Variants in GRIK3 observed in about 807,000 individuals in gnomAD.
GRIK3 encodes the protein glutamate ionotropic receptor kainate type subunit 3, also known as glutamate receptor ionotropic, kainate 3.
GRIK3 carries 29 observed loss-of-function variants against 102.5 expected under a neutral mutation model. The observed-to-expected ratio is 0.28, with a 90% CI of 0.21 to 0.39. The LOEUF (loss-of-function observed/expected upper bound fraction) is 0.39, where lower values mean the gene tolerates loss of function less well. Among genes scored for constraint, GRIK3 ranks in the 10% least tolerant of loss-of-function variants. GRIK3 has a pLI of 1.00. For synonymous variants in GRIK3, 511 were observed against 504.9 expected, an observed-to-expected ratio of 1.01 and a Z score of -0.16; for missense variants, 908 against 1,252.4, an observed-to-expected ratio of 0.73 and a Z score of 4.15.
chr1:36,899,814 A>C (rs1641215567), intron 1 of GRIK3, among the ~76,000 whole-genome samples: 1 of 152,246 alleles, frequency 6.6e-6, no homozygotes, highest in Non-Finnish European at 1.5e-5. Flanking sequence ...ACTTTATCAG[A>C]GACAAAGAGA....
At chr1:36,972,862 G>A (rs1460309309) in intron 1 of GRIK3, among the ~76,000 whole-genome samples, 1 of 152,192 alleles carries the variant, frequency 6.6e-6, no homozygotes, top group Non-Finnish European at 1.5e-5. Flanking sequence ...AGGGGCCAAA[G>A]GATGGGGCAG....
chr1:37,033,933 G>A, intron 1 of GRIK3, 61 bp downstream of exon 1: 2 of 908,902 alleles, frequency 2.2e-6, no homozygotes, highest in Admixed American at 2.3e-5. Flanking sequence ...GCGTTGGGAG[G>A]CCCCCTCATT....
intron 1 of GRIK3, among the ~76,000 whole-genome samples, chr1:36,954,310 G>A (rs894406957): frequency 1.3e-5 from 2 of 152,226 alleles, no homozygotes; most frequent in African/African-American, 2.4e-5. Context: ...GATTACCCCT[G>A]CTGCCTCTCC....
chr1:36,837,166 C>A (rs906149337), intron 10 of GRIK3, among the ~76,000 whole-genome samples: 1 of 152,114 alleles, frequency 6.6e-6, no homozygotes, highest in Non-Finnish European at 1.5e-5. Flanking sequence ...TCGTCTCCAC[C>A]TCCCAGGCTC....
chr1:36,875,465 T>C (rs976302166), intron 3 of GRIK3, among the ~76,000 whole-genome samples: 2 of 152,242 alleles, frequency 1.3e-5, no homozygotes, highest in Non-Finnish European at 2.9e-5. Context: ...GGCCCTCCAA[T>C]TGGGCTCACC....
chr1:37,019,293 G>A (rs1642685109), intron 1 of GRIK3, among the ~76,000 whole-genome samples: 1 of 152,234 alleles, frequency 6.6e-6, no homozygotes, highest in Non-Finnish European at 1.5e-5. Context: ...AACACTCTCA[G>A]AACAACGTAA....
intron 10 of GRIK3, among the ~76,000 whole-genome samples, chr1:36,833,929 G>A (rs1265887153): frequency 6.6e-6 from 1 of 152,112 alleles, no homozygotes; most frequent in Non-Finnish European, 1.5e-5. Context: ...GACCTCTCGA[G>A]TCTCCAAGAT....
intron 3 of GRIK3, among the ~76,000 whole-genome samples, chr1:36,879,045 T>C (rs1213868906): frequency 1.3e-5 from 2 of 152,000 alleles, no homozygotes; most frequent in Non-Finnish European, 2.9e-5. Flanking sequence ...CAGTGGCTCT[T>C]CTCTCCCTTT....
chr1:36,986,864 C>A (rs1642312286), intron 1 of GRIK3, among the ~76,000 whole-genome samples: 1 of 152,192 alleles, frequency 6.6e-6, no homozygotes, highest in Non-Finnish European at 1.5e-5. Context: ...CAATTAATAA[C>A]TTTGGGGTCA....
In GRIK3 at chr1:36,801,484, A is replaced by G. The variant is rs1642439066; in HGVS notation, c.*367T>C. ...GGAGGCCTGGGCTCTTGTGGAAGAA[A>G]TGGCAATATAAGAGCTGTCTTCCAT... is the stretch of plus-strand genomic sequence containing the variant. On this transcript the variant is annotated 3_prime_UTR_variant, in exon 16 of 16. Coordinates refer to ENST00000373091, the MANE Select transcript of GRIK3 (RefSeq NM_000831.4). The G allele has an allele frequency of 5.8e-6, 1 of 173,536 alleles. No individual in the cohort carries two copies. Among genetic ancestry groups the G allele is most frequent in the African/African-American group, 2.4e-5 (1 of 42,232 alleles). The allele number at this position is 173,536 out of a possible 1,614,324, so 10.7% of individuals were successfully genotyped here.
intron 15 of GRIK3, 89 bp from the exon 16 acceptor site, chr1:36,802,134 A>G: frequency 1.1e-6 from 1 of 927,346 alleles, no homozygotes; most frequent in Non-Finnish European, 1.6e-6. Context: ...CCTTTCTCCC[A>G]GAGTCTGTGC....
chr1:36,902,249 G>C (rs1450561196), intron 1 of GRIK3, among the ~76,000 whole-genome samples: 1 of 152,164 alleles, frequency 6.6e-6, no homozygotes, highest in African/African-American at 2.4e-5. Flanking sequence ...TGTACATAGA[G>C]AGGCAAAAGA....
chr1:36,972,158 C>G (rs950132230), intron 1 of GRIK3, among the ~76,000 whole-genome samples: 1 of 152,234 alleles, frequency 6.6e-6, no homozygotes, highest in Non-Finnish European at 1.5e-5. Context: ...GGCTCCGCCA[C>G]GTGCTCCGCA....
intron 1 of GRIK3, among the ~76,000 whole-genome samples, chr1:37,029,085 A>G (rs1478084752): frequency 6.6e-6 from 1 of 151,164 alleles, no homozygotes; most frequent in Non-Finnish European, 1.5e-5. Flanking sequence ...TGGCCGTCTC[A>G]GCACAGGCAC....
chr1:36,842,257 T>G (rs1195725326), intron 9 of GRIK3, among the ~76,000 whole-genome samples: 2 of 152,150 alleles, frequency 1.3e-5, no homozygotes, highest in African/African-American at 4.8e-5. Flanking sequence ...ATGGTCTCTT[T>G]GCTGCACTAG....
intron 10 of GRIK3, among the ~76,000 whole-genome samples, chr1:36,829,963 C>G (rs1256929438): frequency 6.6e-6 from 1 of 152,204 alleles, no homozygotes; most frequent in East Asian, 1.9e-4. Context: ...GGACAGGGGT[C>G]CTCCCAAGGG....
intron 3 of GRIK3, among the ~76,000 whole-genome samples, chr1:36,879,121 A>C (rs148445475): frequency 6.6e-6 from 1 of 152,124 alleles, no homozygotes; most frequent in African/African-American, 2.4e-5. Flanking sequence ...ATAGAGCTAC[A>C]TGGAGATGGC....
intron 1 of GRIK3, among the ~76,000 whole-genome samples, chr1:36,957,690 C>T (rs566240158): frequency 3.8e-4 from 53 of 139,944 alleles, no homozygotes; most frequent in African/African-American, 1.3e-3. Context: ...CTCTGTGCCC[C>T]ATGAGCCTGT....
intron 1 of GRIK3, among the ~76,000 whole-genome samples, chr1:36,911,981 A>T (rs1217836124): frequency 6.6e-6 from 1 of 151,900 alleles, no homozygotes; most frequent in African/African-American, 2.4e-5. Flanking sequence ...AGCAGAAAGG[A>T]CAACTCCCTT....
Sources: allele counts gnomAD v4.1 joint callset (sites outside exome capture counted in the v4.1 genomes callset), GRCh38; gene constraint gnomAD v4.1.1; transcripts MANE v1.5; gene names NCBI Gene and HGNC (gene_info 2026-07-23, HGNC 2026-07-21).